Variants in KIF3C observed in about 807,000 individuals in gnomAD.
KIF3C encodes kinesin family member 3C, also known as kinesin-like protein KIF3C.
A neutral mutation model predicts 67.7 loss-of-function variants in KIF3C; 12 were observed. That is an observed-to-expected ratio of 0.18 (90% CI 0.11 to 0.29). The LOEUF (loss-of-function observed/expected upper bound fraction) is 0.29. Among genes scored for constraint, KIF3C ranks in the 10% least tolerant of loss-of-function variants. The probability of loss-of-function intolerance (pLI) is 1.00; values close to 1 mark genes in which losing one functional copy is unlikely to be tolerated. For missense variants in KIF3C, 789 were observed against 1,059.6 expected, an observed-to-expected ratio of 0.74 and a Z score of 3.55; for synonymous variants, 393 against 426.2, an observed-to-expected ratio of 0.92 and a Z score of 0.96.
At chr2:25,968,924 A>G (rs1282059472) in intron 1 of KIF3C, among the ~76,000 whole-genome samples, 1 of 152,048 alleles carries the variant, frequency 6.6e-6, no homozygotes, top group Non-Finnish European at 1.5e-5. Context: ...TCCGGGTTCA[A>G]GTGATTCTCC....
At chr2:25,935,286 C>T (rs1404559399) in intron 5 of KIF3C, among the ~76,000 whole-genome samples, 1 of 152,016 alleles carries the variant, frequency 6.6e-6, no homozygotes, top group Non-Finnish European at 1.5e-5. Flanking sequence ...TATTCTTTGA[C>T]CCAAATTTCT....
At position 25,951,771 on chromosome 2, in the gene KIF3C, G is replaced by A. The variant is rs1663620059; in HGVS notation, c.2006+18C>T. 2 of 1,571,818 alleles carry A rather than the reference G, an allele frequency of 1.3e-6. No individual in the cohort carries two copies. The highest frequency in any genetic ancestry group is 1.8e-6 in the Non-Finnish European group (2 of 1,142,438). On this transcript the variant is annotated intron_variant, in intron 5 of 7. Coordinates refer to ENST00000264712, the MANE Select transcript of KIF3C (RefSeq NM_002254.8). The stretch of plus-strand genomic sequence containing the variant: ...ACCCACAAGTCCCCCAGCCCAGACA[G>A]CTGGGTTAGAGACTCACACGCCGGC...
intron 5 of KIF3C, among the ~76,000 whole-genome samples, chr2:25,950,081 G>A (rs542079265): frequency 2.0e-5 from 3 of 151,624 alleles, no homozygotes; most frequent in Non-Finnish European, 4.4e-5. Context: ...TAGTAGAGAC[G>A]GGGTTTCACC....
At position 25,959,385 on chromosome 2, in the gene KIF3C, C is replaced by T. The variant is rs377339279; in HGVS notation, c.1546-2941G>A. On this transcript the variant is annotated intron_variant, in intron 1 of 7. Coordinates refer to ENST00000264712, the MANE Select transcript of KIF3C (RefSeq NM_002254.8). ...CTGGGTCCCTGGACTTAGCTCAGTG[C>T]TTGGCAGATAACAAGTGCTCAATAC... Among the ~76,000 whole-genome samples, 35 of 152,304 alleles carry T rather than the reference C, an allele frequency of 2.3e-4. 1 individual carries two copies. In the South Asian group the frequency reaches 7.3e-3, roughly 32 times the overall value.
At chr2:25,954,545 C>A (rs933485896) in intron 3 of KIF3C, among the ~76,000 whole-genome samples, 160 bp from the exon 4 acceptor site, 3 of 152,198 alleles carry the variant, frequency 2.0e-5, no homozygotes. Context: ...CAACCCACCA[C>A]GAATTGGGCT....
intron 5 of KIF3C, among the ~76,000 whole-genome samples, chr2:25,930,701 C>A (rs1045305971): frequency 7.2e-5 from 11 of 152,078 alleles, no homozygotes; most frequent in Admixed American, 2.0e-4. Flanking sequence ...CCACGCCTGG[C>A]TAATTTTTTG....
At chr2:25,970,667 C>CAAAAAA (rs397984116) in intron 1 of KIF3C, among the ~76,000 whole-genome samples, 2 of 54,788 alleles carry the variant, frequency 3.7e-5, no homozygotes, top group African/African-American at 8.0e-5. Flanking sequence ...AACTTTGTCT[C>CAAAAAA]AAAAAAAAAA....
chr2:25,962,958 AAT>A (rs1370387808), intron 1 of KIF3C, among the ~76,000 whole-genome samples: 855 of 39,596 alleles, frequency 0.022, 75 homozygotes, highest in African/African-American at 0.033. Flanking sequence ...TATAATATAT[AAT>A]ATATATAATA....
At chr2:25,966,584 C>T (rs1432849558) in intron 1 of KIF3C, among the ~76,000 whole-genome samples, 4 of 152,164 alleles carry the variant, frequency 2.6e-5, no homozygotes, top group East Asian at 1.9e-4. Context: ...TTAACTATTC[C>T]AGGAGCAAAT....
At position 25,955,707 on chromosome 2, in the gene KIF3C, C is replaced by T. The variant is rs745316964; in HGVS notation, c.1648-44G>A. ...GTGTGGCTCAAAGGAGCAGTGCATA[C>T]TCGGGAGGGCCAGGAAAGCTCAGGG... On this transcript the variant is annotated intron_variant, in intron 2 of 7. Transcript: ENST00000264712. This position sits in a 1 kb window ranked among gnomAD's most constrained non-coding sequence, Gnocchi z 5.0. 6 of 1,607,756 alleles carry T rather than the reference C, an allele frequency of 3.7e-6. No homozygotes were observed. In the African/African-American group the frequency reaches 6.7e-5, roughly 18 times the overall value.
chr2:25,942,512 G>A (rs1226492620), intron 5 of KIF3C, among the ~76,000 whole-genome samples: 1 of 151,352 alleles, frequency 6.6e-6, no homozygotes, highest in African/African-American at 2.4e-5. Context: ...CTGGGTTCAA[G>A]CGATTCTCCT....
intron 5 of KIF3C, among the ~76,000 whole-genome samples, chr2:25,939,476 T>C (rs1390407564): frequency 6.6e-6 from 1 of 152,184 alleles, no homozygotes; most frequent in East Asian, 1.9e-4. Flanking sequence ...CCGACCCGCC[T>C]GGGAAGCTGC....
At position 25,958,539 on chromosome 2, in the gene KIF3C, C is replaced by A. The variant is rs1033586194; in HGVS notation, c.1546-2095G>T. On this transcript the variant is annotated intron_variant, in intron 1 of 7. Coordinates refer to ENST00000264712, the MANE Select transcript of KIF3C (RefSeq NM_002254.8). The surrounding 1 kb of genome is among the most constrained non-coding windows in gnomAD (Gnocchi z 4.5). ...GAGGCTGCAGTGAGCCGAGATCACG[C>A]CACTGCACTCCAGCCTGGGTGCCAG... Among the ~76,000 whole-genome samples the A allele has an allele frequency of 6.6e-6, 1 of 151,960 alleles. No homozygotes were observed. The highest frequency in any genetic ancestry group is 2.4e-5 in the African/African-American group (1 of 41,372).
At position 25,926,784 on chromosome 2, in the gene KIF3C, T is replaced by C. The variant is rs555770690; in HGVS notation, c.*2194A>G. On this transcript the variant is annotated 3_prime_UTR_variant, in exon 8 of 8. Coordinates refer to ENST00000264712, the MANE Select transcript of KIF3C (RefSeq NM_002254.8). ...TATATATTACATATGTCCCGTATAG[T>C]CATATGTGTAGAGTGACAAGAATGG... 2 of 152,270 alleles carry C rather than the reference T, an allele frequency of 1.3e-5. No homozygotes were observed. Among genetic ancestry groups the C allele is most frequent in the Admixed American group, 1.3e-4 (2 of 15,272 alleles). 9.4% of individuals were successfully genotyped at this position (152,270 alleles called of 1,614,324 possible).
intron 1 of KIF3C, among the ~76,000 whole-genome samples, chr2:25,973,623 A>G (rs1488365889): frequency 1.3e-5 from 2 of 151,898 alleles, no homozygotes; most frequent in Non-Finnish European, 2.9e-5. Context: ...CAGGTATACA[A>G]CCGTGAAATC....
chr2:25,936,630 T>G (rs1000226752), intron 5 of KIF3C, among the ~76,000 whole-genome samples: 3 of 152,190 alleles, frequency 2.0e-5, no homozygotes, highest in Non-Finnish European at 4.4e-5. Context: ...TATTTAACAT[T>G]TTCCCTGGGG....
chr2:25,929,919 C>T, intron 6 of KIF3C, 36 bp downstream of exon 6: 2 of 1,470,390 alleles, frequency 1.4e-6, no homozygotes, highest in East Asian at 2.3e-5. Context: ...CCCGGCCTCC[C>T]TCCCGTAGGC....
At position 25,981,814 on chromosome 2, in the gene KIF3C, A is replaced by G. The variant is rs1294747241; in HGVS notation, c.104T>C (p.Met35Thr). The G allele has an allele frequency of 3.7e-6, 6 of 1,613,270 alleles. No homozygotes were observed. Among genetic ancestry groups the G allele is most frequent in the Non-Finnish European group, 5.1e-6 (6 of 1,179,858 alleles). Reference protein sequence around the residue: ...EAAGHEQILTMDVKLGQVTLR... With the variant: ...EAAGHEQILTTDVKLGQVTLR... ...GGTCACCTGGCCCAGTTTCACGTCC[A>G]TGGTCAGGATCTGCTCGTGACCAGC... The change falls in exon 1 of 8, where the codon ATG (methionine) becomes ACG (threonine). Residue 35 changes from methionine (M) to threonine (T), a missense_variant. Coordinates refer to ENST00000264712, the MANE Select transcript of KIF3C (RefSeq NM_002254.8). The surrounding 1 kb of genome is among the most constrained non-coding windows in gnomAD (Gnocchi z 8.2).
At chr2:25,929,101 G>T (rs770474607) in intron 7 of KIF3C, 30 bp from the exon 8 acceptor site, 1 of 1,588,236 alleles carries the variant, frequency 6.3e-7, no homozygotes, top group Non-Finnish European at 8.6e-7. Flanking sequence ...GGCGAAAGGG[G>T]AGGTTAGGGA....
Sources: allele counts gnomAD v4.1 joint callset (sites outside exome capture counted in the v4.1 genomes callset), GRCh38; gene constraint gnomAD v4.1.1; non-coding constraint Gnocchi (gnomAD v3.1); transcripts MANE v1.5; gene names NCBI Gene and HGNC (gene_info 2026-07-23, HGNC 2026-07-21).